Variants in FYB1 observed in about 807,000 individuals in gnomAD.
FYB1 encodes the protein FYN-binding protein 1.
In FYB1, 41 loss-of-function variants were observed where a neutral mutation model predicts 94.1. The observed-to-expected ratio is 0.44, with a 90% CI of 0.34 to 0.57. The LOEUF is 0.57. Ranked by LOEUF, FYB1 falls within the 20% of genes least tolerant of loss-of-function variation. The pLI is 0.02. For missense variants in FYB1, 1,050 were observed against 976.8 expected, an observed-to-expected ratio of 1.07 and a Z score of -1.00; for synonymous variants, 367 against 353.2, an observed-to-expected ratio of 1.04 and a Z score of -0.44.
chr5:39,257,991 T>C (rs1396752395), intron 1 of FYB1, among the ~76,000 whole-genome samples: 1 of 152,168 alleles, frequency 6.6e-6, no homozygotes, highest in Non-Finnish European at 1.5e-5. Flanking sequence ...TGAGCGTGCA[T>C]CAGAATCACT....
At chr5:39,174,980 C>T (rs924382206) in intron 2 of FYB1, among the ~76,000 whole-genome samples, 1 of 152,132 alleles carries the variant, frequency 6.6e-6, no homozygotes, top group African/African-American at 2.4e-5. Flanking sequence ...ATGAGGAGTA[C>T]TGTAAAATTT....
intron 2 of FYB1, among the ~76,000 whole-genome samples, chr5:39,155,586 G>A (rs1367671743): frequency 6.6e-6 from 1 of 152,104 alleles, no homozygotes; most frequent in African/African-American, 2.4e-5. Context: ...TATAATTTCT[G>A]TCACTACATT....
At chr5:39,107,950 G>T (rs1211479230) in intron 18 of FYB1, among the ~76,000 whole-genome samples, 1 of 151,882 alleles carries the variant, frequency 6.6e-6, no homozygotes, top group East Asian at 1.9e-4. Context: ...TTGGATAAAA[G>T]AAATTCTTAT....
chr5:39,127,721 A>G lies in FYB1; in HGVS notation c.1907+20T>C. On this transcript the variant is annotated intron_variant, in intron 11 of 18. Coordinates refer to ENST00000512982, the MANE Select transcript of FYB1 (RefSeq NM_001465.6). ...GTATATATAATAATTTGCAAAAAGC[A>G]GTTCACTGATTATTCTTACCCATCA... The G allele has an allele frequency of 6.3e-7, 1 of 1,580,572 alleles. No homozygotes were observed. Among genetic ancestry groups the G allele is most frequent in the South Asian group, 1.2e-5 (1 of 83,706 alleles).
intron 1 of FYB1, among the ~76,000 whole-genome samples, chr5:39,267,371 A>ATCG (rs1302064858): frequency 0.023 from 3,031 of 129,334 alleles, 46 homozygotes; most frequent in Middle Eastern, 0.065. Flanking sequence ...CATCATCATC[A>ATCG]TCATCATCAT....
At chr5:39,242,148 T>A (rs913736719) in intron 1 of FYB1, among the ~76,000 whole-genome samples, 16 of 152,134 alleles carry the variant, frequency 1.1e-4, no homozygotes, top group African/African-American at 3.6e-4. Flanking sequence ...TTTCTTTTTT[T>A]TATTATTATA....
chr5:39,169,497 T>C, intron 2 of FYB1: 2 of 622,418 alleles, frequency 3.2e-6, no homozygotes, highest in Non-Finnish European at 6.3e-6. Flanking sequence ...CGAAGACCCG[T>C]TACTACTACT....
intron 2 of FYB1, among the ~76,000 whole-genome samples, chr5:39,165,267 G>A (rs1001208857): frequency 6.6e-6 from 1 of 152,082 alleles, no homozygotes; most frequent in Non-Finnish European, 1.5e-5. Flanking sequence ...AACCAAAACG[G>A]CATGGCACTG....
chr5:39,203,057 C>G lies in FYB1; in HGVS notation c.-27-70G>C, dbSNP rs979618787. 4.5e-6 allele frequency: 6 copies of G among 1,334,204 alleles called. No individual in the cohort carries two copies. In the African/African-American group the frequency reaches 7.3e-5, roughly 16 times the overall value. 82.6% of individuals were successfully genotyped at this position (1,334,204 alleles called of 1,614,324 possible). The stretch of plus-strand genomic sequence containing the variant: ...ACTTGCACAGTTTAAAATACTATAC[C>G]TTACAGAGCTTCCTGGTTTGAGGCC... On this transcript the variant is annotated intron_variant, in intron 1 of 18. Coordinates refer to ENST00000512982, the MANE Select transcript of FYB1 (RefSeq NM_001465.6).
chr5:39,221,018 G>A (rs1212528360), upstream of FYB1, among the ~76,000 whole-genome samples: 3 of 152,148 alleles, frequency 2.0e-5, no homozygotes, highest in African/African-American at 7.2e-5. Context: ...CAAAAGTTTA[G>A]GATGCTTATT....
chr5:39,108,857 T>C (rs1738790910), intron 17 of FYB1, among the ~76,000 whole-genome samples: 1 of 152,128 alleles, frequency 6.6e-6, no homozygotes, highest in Non-Finnish European at 1.5e-5. Flanking sequence ...ATTTTGGTAC[T>C]TTTACACATT....
At chr5:39,189,693 G>T (rs1445337676) in intron 2 of FYB1, among the ~76,000 whole-genome samples, 1 of 152,194 alleles carries the variant, frequency 6.6e-6, no homozygotes, top group Non-Finnish European at 1.5e-5. Flanking sequence ...AGGAGCCTGA[G>T]TTACAAAATA....
chr5:39,265,083 C>T (rs565820925), intron 1 of FYB1, among the ~76,000 whole-genome samples: 1 of 152,146 alleles, frequency 6.6e-6, no homozygotes, highest in Non-Finnish European at 1.5e-5. Context: ...CACCCGTAAT[C>T]CCAGCACTTT....
intron 1 of FYB1, among the ~76,000 whole-genome samples, chr5:39,207,315 T>A (rs7705606): frequency 1.3e-5 from 2 of 152,124 alleles, no homozygotes; most frequent in Admixed American, 1.3e-4. Context: ...TAGTAGAAAA[T>A]CTCTTCATAG....
At chr5:39,254,882 A>G (rs1165267104) in intron 1 of FYB1, among the ~76,000 whole-genome samples, 1 of 152,194 alleles carries the variant, frequency 6.6e-6, no homozygotes, top group African/African-American at 2.4e-5. Flanking sequence ...GGAACCAAAC[A>G]TTAAAGGAAG....
intron 4 of FYB1, 50 bp downstream of exon 4, chr5:39,141,045 C>A: frequency 2.3e-6 from 3 of 1,316,736 alleles, no homozygotes; most frequent in East Asian, 2.5e-5. Flanking sequence ...GCTCAAACTT[C>A]TGTACCTGAG....
chr5:39,181,113 T>G (rs1405108317), intron 2 of FYB1, among the ~76,000 whole-genome samples: 3 of 152,150 alleles, frequency 2.0e-5, no homozygotes, highest in Non-Finnish European at 4.4e-5. Flanking sequence ...CATATGGATT[T>G]AGGGACAGAA....
At chr5:39,263,176 T>TA (rs1752296802) in intron 1 of FYB1, among the ~76,000 whole-genome samples, 1 of 152,128 alleles carries the variant, frequency 6.6e-6, no homozygotes, top group Non-Finnish European at 1.5e-5. Context: ...GATATTGAAG[T>TA]TGCCGAATCA....
chr5:39,121,780 A>G (rs1434303495), intron 14 of FYB1, among the ~76,000 whole-genome samples: 4 of 152,142 alleles, frequency 2.6e-5, no homozygotes, highest in South Asian at 2.1e-4. Context: ...TTTTTTTAAG[A>G]TTTGAATGTA....
Sources: allele counts gnomAD v4.1 joint callset (sites outside exome capture counted in the v4.1 genomes callset), GRCh38; gene constraint gnomAD v4.1.1; transcripts MANE v1.5; gene names NCBI Gene and HGNC (gene_info 2026-07-23, HGNC 2026-07-21).